The following MAGI3 variants were observed in gnomAD, a reference collection of about 807,000 sequenced individuals.
The protein encoded by MAGI3 is membrane-associated guanylate kinase, WW and PDZ domain-containing protein 3.
A neutral mutation model predicts 121.8 loss-of-function variants in MAGI3; 43 were observed. The ratio of observed to expected loss-of-function variants is 0.35; its 90% CI spans 0.28 to 0.46. The LOEUF is 0.46. Among genes scored for constraint, MAGI3 ranks in the 20% least tolerant of loss-of-function variants. The probability of loss-of-function intolerance (pLI) is 1.00; values close to 1 mark genes in which losing one functional copy is unlikely to be tolerated. For synonymous variants in MAGI3, 553 were observed against 639.3 expected (o/e 0.86, Z 2.04); for missense variants, 1,547 against 1,797.3 (o/e 0.86, Z 2.52).
intron 1 of MAGI3, among the ~76,000 whole-genome samples, chr1:113,408,366 G>C (rs1202490802): frequency 6.6e-6 from 1 of 152,094 alleles, no homozygotes; most frequent in African/African-American, 2.4e-5. Context: ...AGGGCAAACA[G>C]ATTTTTCATT....
At chr1:113,396,280 G>T (rs1479655880) in intron 1 of MAGI3, among the ~76,000 whole-genome samples, 1 of 113,334 alleles carries the variant, frequency 8.8e-6, no homozygotes, top group African/African-American at 3.6e-5. Flanking sequence ...ATCTGTGAAT[G>T]TCAGGGTTGT....
At chr1:113,398,099 C>G (rs1407967199) in intron 1 of MAGI3, among the ~76,000 whole-genome samples, 1 of 152,160 alleles carries the variant, frequency 6.6e-6, no homozygotes, top group Non-Finnish European at 1.5e-5. Flanking sequence ...GAGCAACCCA[C>G]TTACCTGCAG....
At chr1:113,569,029 A>T (rs573909512) in intron 2 of MAGI3, among the ~76,000 whole-genome samples, 35 of 152,252 alleles carry the variant, frequency 2.3e-4, no homozygotes, top group African/African-American at 7.9e-4. Flanking sequence ...CTGTTCCTCT[A>T]CATTTATTTC....
At chr1:113,587,542 C>G (rs1056836995) in intron 4 of MAGI3, among the ~76,000 whole-genome samples, 7 of 152,160 alleles carry the variant, frequency 4.6e-5, no homozygotes, top group African/African-American at 1.7e-4. Context: ...GAAAATTGTT[C>G]GGGAGTAGAA....
chr1:113,641,442 C>T (rs180987440), intron 9 of MAGI3, among the ~76,000 whole-genome samples: 155 of 151,172 alleles, frequency 1.0e-3, no homozygotes, highest in African/African-American at 3.4e-3. Context: ...TTAAGGACAG[C>T]GTCTTTTTCA....
intron 1 of MAGI3, among the ~76,000 whole-genome samples, chr1:113,410,378 G>T (rs946273075): frequency 4.6e-5 from 7 of 151,810 alleles, no homozygotes; most frequent in Admixed American, 1.3e-4. Context: ...ACAAAAAATT[G>T]CTACTAACCA....
At chr1:113,579,128 A>G (rs1398307638) in intron 2 of MAGI3, among the ~76,000 whole-genome samples, 11 of 152,212 alleles carry the variant, frequency 7.2e-5, no homozygotes, top group Admixed American at 7.2e-4. Flanking sequence ...TTTGACAGCT[A>G]TGTATATTCA....
intron 1 of MAGI3, among the ~76,000 whole-genome samples, chr1:113,407,046 G>C (rs1022760154): frequency 1.3e-5 from 2 of 152,164 alleles, no homozygotes; most frequent in Non-Finnish European, 2.9e-5. Flanking sequence ...AGGGGTGAAA[G>C]TGAGAGGGAT....
At chr1:113,455,157 G>A (rs2101498596) in intron 1 of MAGI3, among the ~76,000 whole-genome samples, 1 of 152,168 alleles carries the variant, frequency 6.6e-6, no homozygotes, top group East Asian at 1.9e-4. Context: ...TTCGAGAGTG[G>A]ACTTTCTGAA....
chr1:113,531,728 TG>T (rs1162797182), intron 1 of MAGI3, among the ~76,000 whole-genome samples: 1 of 8,726 alleles, frequency 1.1e-4, no homozygotes, highest in Non-Finnish European at 2.7e-4. Flanking sequence ...GGGGGTCGGG[TG>T]GGGGGCTGGG....
Position 113,391,329 on chromosome 1 carries a change from G to A in MAGI3, c.296G>A (p.Arg99His), listed in dbSNP as rs1425055382. The stretch of plus-strand genomic sequence containing the variant: ...ATCCGCCACTTCCGCGAGCCCATCC[G>A]TCTCAAGACTGTGAAACCAGGTACG... ...AVIRHFREPI[R>H]LKTVKPGKVI... The change falls in exon 1 of 21, where the codon CGT (arginine) becomes CAT (histidine). Residue 99 changes from arginine to histidine, a missense_variant. Transcript: ENST00000307546. This position sits in a 1 kb window ranked among gnomAD's most constrained non-coding sequence, Gnocchi z 4.4. 6.3e-7 allele frequency: 1 copy of A among 1,597,756 alleles called. No homozygotes were observed. Among genetic ancestry groups the A allele is most frequent in the Admixed American group, 1.7e-5 (1 of 58,352 alleles).
intron 1 of MAGI3, among the ~76,000 whole-genome samples, chr1:113,470,613 C>T (rs986603362): frequency 6.6e-6 from 1 of 152,152 alleles, no homozygotes; most frequent in Admixed American, 6.6e-5. Context: ...TAACTATGGT[C>T]ACCATGCTGT....
At chr1:113,637,039 T>A (rs1652077666) in intron 9 of MAGI3, among the ~76,000 whole-genome samples, 1 of 152,230 alleles carries the variant, frequency 6.6e-6, no homozygotes, top group African/African-American at 2.4e-5. Context: ...TATCAGAGAC[T>A]AGGATTGCAA....
rs1272837326 is a variant in MAGI3, at chr1:113,435,264, GT to G, written c.316+43919del. On this transcript the variant is annotated intron_variant, in intron 1 of 20. Transcript: ENST00000307546. ...TTCGTTTGTAGTAATAGCCTCTTTG[GT>G]TTTCTATTTCATAGAATTTCACCAA... 2.0e-5 allele frequency among the ~76,000 whole-genome samples: 3 copies of G among 151,920 alleles called. No individual in the cohort carries two copies. In the East Asian group the frequency reaches 5.8e-4, roughly 29 times the overall value.
intron 1 of MAGI3, among the ~76,000 whole-genome samples, chr1:113,420,650 A>T (rs532461378): frequency 2.4e-4 from 36 of 152,282 alleles, no homozygotes; most frequent in South Asian, 2.1e-3. Context: ...GAGAAAAAAA[A>T]TTTTTTGGAA....
chr1:113,478,409 G>A (rs902469395), intron 1 of MAGI3, among the ~76,000 whole-genome samples: 1 of 152,174 alleles, frequency 6.6e-6, no homozygotes, highest in African/African-American at 2.4e-5. Context: ...TACAGATGGG[G>A]TTTTGGTGTA....
chr1:113,585,289 T>G, intron 3 of MAGI3, 98 bp from the exon 4 acceptor site: 1 of 1,154,846 alleles, frequency 8.7e-7, no homozygotes, highest in Non-Finnish European at 1.2e-6. Flanking sequence ...ATTTCAAAAC[T>G]TCTTTGTGAA....
At chr1:113,671,653 T>C (rs963388479) in intron 16 of MAGI3, 81 bp from the exon 17 acceptor site, 23 of 1,288,836 alleles carry the variant, frequency 1.8e-5, no homozygotes, top group Admixed American at 5.7e-5. Flanking sequence ...CCATCTGTTA[T>C]TGTCTCACCT....
intron 1 of MAGI3, among the ~76,000 whole-genome samples, chr1:113,548,450 C>T (rs1017319912): frequency 9.2e-5 from 14 of 152,136 alleles, no homozygotes; most frequent in Non-Finnish European, 1.8e-4. Flanking sequence ...CTTAATTATT[C>T]ACATTGTATC....
Sources: gnomAD v4.1 joint callset for allele counts (sites outside exome capture counted in the v4.1 genomes callset) on GRCh38, gnomAD v4.1.1 for gene constraint, Gnocchi (gnomAD v3.1) non-coding constraint, MANE v1.5 for transcripts, NCBI Gene and HGNC (gene_info 2026-07-23, HGNC 2026-07-21) for gene names.